The following CALN1 variants were observed in gnomAD, a reference collection of about 807,000 sequenced individuals.
CALN1 encodes calcium-binding protein 8.
CALN1 carries 17 observed loss-of-function variants against 30.6 expected under a neutral mutation model. The observed-to-expected ratio is 0.56, with a 90% CI of 0.38 to 0.83. The LOEUF (loss-of-function observed/expected upper bound fraction) is 0.83, where lower values mean the gene tolerates loss of function less well. Ranked by LOEUF, CALN1 falls within the 40% of genes least tolerant of loss-of-function variation. The pLI, the probability that CALN1 is intolerant of heterozygous loss-of-function variation, is 0.00. For missense variants in CALN1, 291 were observed against 354.9 expected, an observed-to-expected ratio of 0.82 and a Z score of 1.45; for synonymous variants, 156 against 131.4, an observed-to-expected ratio of 1.19 and a Z score of -1.28.
the CALN1 span, among the ~76,000 whole-genome samples, chr7:72,469,030 C>A: frequency 6.6e-6 from 1 of 152,112 alleles, no homozygotes; most frequent in African/African-American, 2.4e-5. Context: ...TTGACAATGA[C>A]CTTCAATGCC....
At chr7:71,937,391 T>C (rs1251667370) in intron 5 of CALN1, among the ~76,000 whole-genome samples, 1 of 151,310 alleles carries the variant, frequency 6.6e-6, no homozygotes, top group East Asian at 2.0e-4. Flanking sequence ...AATATGTATA[T>C]ATGTATTTAC....
chr7:71,981,147 TC>T (rs1263187336), intron 5 of CALN1, among the ~76,000 whole-genome samples: 1 of 152,122 alleles, frequency 6.6e-6, no homozygotes, highest in Non-Finnish European at 1.5e-5. Flanking sequence ...GGTCCATAAC[TC>T]CCTTAGCCCT....
the CALN1 span, among the ~76,000 whole-genome samples, chr7:72,486,132 C>T: frequency 2.0e-5 from 3 of 152,060 alleles, no homozygotes; most frequent in Non-Finnish European, 4.4e-5. Context: ...AGTGACTGTA[C>T]TGAATACTGC....
At chr7:72,448,650 G>A (rs1035169291), upstream of CALN1, among the ~76,000 whole-genome samples, 2 of 151,844 alleles carry the variant, frequency 1.3e-5, no homozygotes, top group Non-Finnish European at 1.5e-5. Context: ...CTGTTGCCCA[G>A]GCTGGAGTGC....
chr7:71,852,402 T>C (rs1285087876), intron 5 of CALN1, among the ~76,000 whole-genome samples: 2 of 148,492 alleles, frequency 1.3e-5, no homozygotes, highest in African/African-American at 5.0e-5. Context: ...TTCCAGGAGC[T>C]AAGTGGGGAA....
chr7:72,255,463 G>A (rs1198699027), intron 3 of CALN1, among the ~76,000 whole-genome samples: 1 of 151,434 alleles, frequency 6.6e-6, no homozygotes, highest in Non-Finnish European at 1.5e-5. Context: ...CACCCAGGCT[G>A]GAGTGCAGTG....
chr7:72,401,837 A>G (rs1026946019), intron 2 of CALN1, among the ~76,000 whole-genome samples: 10 of 152,172 alleles, frequency 6.6e-5, no homozygotes, highest in Admixed American at 3.3e-4. Context: ...GCTTTCTGTA[A>G]GGCAGCCCTC....
At chr7:72,329,898 G>A (rs1189415871) in intron 2 of CALN1, among the ~76,000 whole-genome samples, 2 of 152,180 alleles carry the variant, frequency 1.3e-5, no homozygotes, top group African/African-American at 4.8e-5. Context: ...AGCTTGCAGT[G>A]AGCCGAGATC....
intron 4 of CALN1, among the ~76,000 whole-genome samples, chr7:72,077,485 G>C (rs1804829894): frequency 6.6e-6 from 1 of 152,116 alleles, no homozygotes; most frequent in African/African-American, 2.4e-5. Context: ...TGTTAGCCAG[G>C]CTGGTCTCGA....
At position 72,179,274 on chromosome 7, in the gene CALN1, T is replaced by A. The variant is rs1436512657; in HGVS notation, c.245-72980A>T. On this transcript the variant is annotated intron_variant, in intron 3 of 6. Transcript: ENST00000395275. ...AAATAAGTTTCACGGGTAATTAACATCATTTGCATGAGGACTAATATGCTT... is the reference window on the plus strand; with the variant it reads ...AAATAAGTTTCACGGGTAATTAACAACATTTGCATGAGGACTAATATGCTT... Among the ~76,000 whole-genome samples, 4 of 152,342 alleles carry A rather than the reference T, an allele frequency of 2.6e-5. No homozygotes were observed. In the East Asian group the frequency reaches 7.7e-4, roughly 29 times the overall value.
chr7:72,250,382 G>C (rs1795472613), intron 3 of CALN1, among the ~76,000 whole-genome samples: 1 of 152,202 alleles, frequency 6.6e-6, no homozygotes, highest in Admixed American at 6.5e-5. Flanking sequence ...CAGAATGACA[G>C]CATAGGACCT....
chr7:72,334,404 A>G (rs1460824315), intron 2 of CALN1, among the ~76,000 whole-genome samples: 1 of 152,208 alleles, frequency 6.6e-6, no homozygotes, highest in Non-Finnish European at 1.5e-5. Flanking sequence ...TATGAAAAAG[A>G]AATTTCTAAA....
chr7:72,264,394 T>C (rs998899851), intron 3 of CALN1, among the ~76,000 whole-genome samples: 6 of 152,090 alleles, frequency 3.9e-5, no homozygotes, highest in African/African-American at 1.4e-4. Context: ...TTGAACAAAA[T>C]ATATCTTCAA....
intron 3 of CALN1, among the ~76,000 whole-genome samples, chr7:72,152,453 A>C (rs545493886): frequency 3.2e-4 from 48 of 152,340 alleles, no homozygotes; most frequent in African/African-American, 1.1e-3. Flanking sequence ...AGAGAGCAAC[A>C]CATGAAAGAG....
chr7:71,847,763 G>GAAAGAAA (rs1391472959), intron 5 of CALN1, among the ~76,000 whole-genome samples: 1 of 123,302 alleles, frequency 8.1e-6, no homozygotes, highest in African/African-American at 2.9e-5. Flanking sequence ...GAAGAAAGAA[G>GAAAGAAA]AAGAAGAAGA....
chr7:72,404,378 A>G (rs1257099660), intron 1 of CALN1, among the ~76,000 whole-genome samples: 4 of 152,220 alleles, frequency 2.6e-5, no homozygotes, highest in African/African-American at 9.7e-5. Context: ...CAGTTAATCA[A>G]TGTCAGTTCT....
chr7:72,453,399 G>C, the CALN1 span, among the ~76,000 whole-genome samples: 2 of 152,202 alleles, frequency 1.3e-5, no homozygotes, highest in Non-Finnish European at 1.5e-5. Context: ...GAAGTTTCTA[G>C]AAAAGGGATA....
intron 2 of CALN1, among the ~76,000 whole-genome samples, chr7:72,402,092 C>T (rs2129562070): frequency 6.6e-6 from 1 of 152,334 alleles, no homozygotes; most frequent in Admixed American, 6.5e-5. Flanking sequence ...TGAGCCTGCC[C>T]TTCAGCATTT....
At chr7:72,491,774 G>A in the CALN1 span, among the ~76,000 whole-genome samples, 2 of 152,134 alleles carry the variant, frequency 1.3e-5, no homozygotes, top group Non-Finnish European at 2.9e-5. Flanking sequence ...GAAGACCACT[G>A]CTCACAACTG....
Sources: allele counts gnomAD v4.1 joint callset (sites outside exome capture counted in the v4.1 genomes callset), GRCh38; gene constraint gnomAD v4.1.1; transcripts MANE v1.5; gene names NCBI Gene and HGNC (gene_info 2026-07-23, HGNC 2026-07-21).